NPSR1: variants seen among roughly 807,000 people sequenced by gnomAD.
The protein encoded by NPSR1 is neuropeptide S receptor.
A neutral mutation model predicts 46.9 loss-of-function variants in NPSR1; 48 were observed. The observed-to-expected ratio is 1.02, with a 90% confidence interval of 0.81 to 1.30. NPSR1 has a LOEUF of 1.30. Among genes scored for constraint, NPSR1 ranks in the 50% most tolerant of loss-of-function variants. NPSR1 has a pLI of 0.00. For synonymous variants in NPSR1, 176 were observed against 168.1 expected, an observed-to-expected ratio of 1.05 and a Z score of -0.36; for missense variants, 450 against 449.5, an observed-to-expected ratio of 1.00 and a Z score of -0.01.
At chr7:34,804,228 T>C (rs564276337) in intron 3 of NPSR1, among the ~76,000 whole-genome samples, 1 of 152,194 alleles carries the variant, frequency 6.6e-6, no homozygotes, top group African/African-American at 2.4e-5. Context: ...TACAGAACAA[T>C]ATCCCTCATG....
chr7:34,691,090 C>T (rs1562654725), intron 2 of NPSR1, among the ~76,000 whole-genome samples: 1 of 152,124 alleles, frequency 6.6e-6, no homozygotes, highest in African/African-American at 2.4e-5. Context: ...CCTTAAAGAA[C>T]AAATGTGCCA....
At chr7:34,724,496 G>A (rs1195774655) in intron 2 of NPSR1, among the ~76,000 whole-genome samples, 2 of 152,196 alleles carry the variant, frequency 1.3e-5, no homozygotes, top group South Asian at 2.1e-4. Context: ...AGAGAAAGAC[G>A]ACAGCCTGAT....
At chr7:34,678,603 G>T (rs1056889668) in intron 1 of NPSR1, among the ~76,000 whole-genome samples, 4 of 152,052 alleles carry the variant, frequency 2.6e-5, no homozygotes, top group African/African-American at 9.7e-5. Context: ...CAGGAGGGTG[G>T]ATCATGAGGT....
chr7:34,863,438 C>G (rs1369007655), intron 8 of NPSR1, among the ~76,000 whole-genome samples: 1 of 151,738 alleles, frequency 6.6e-6, no homozygotes, highest in African/African-American at 2.4e-5. Flanking sequence ...TCAGAGTGAA[C>G]AGGCAACCTA....
chr7:34,843,325 C>T (rs945032360), intron 6 of NPSR1, among the ~76,000 whole-genome samples: 8 of 152,292 alleles, frequency 5.3e-5, no homozygotes, highest in African/African-American at 1.7e-4. Flanking sequence ...AGGGCGAAAG[C>T]GAGCACACAA....
At chr7:34,662,123 A>T (rs1791482755) in intron 1 of NPSR1, among the ~76,000 whole-genome samples, 1 of 152,192 alleles carries the variant, frequency 6.6e-6, no homozygotes, top group Admixed American at 6.5e-5. Flanking sequence ...TGTAAATGAA[A>T]CTTAGTTTTA....
At chr7:34,668,884 G>A (rs986644649) in intron 1 of NPSR1, among the ~76,000 whole-genome samples, 33 of 152,188 alleles carry the variant, frequency 2.2e-4, no homozygotes, top group African/African-American at 8.0e-4. Context: ...TATCAGTGGA[G>A]CAGAGAAATG....
chr7:34,764,715 C>T (rs1786349883), intron 2 of NPSR1, among the ~76,000 whole-genome samples: 1 of 152,124 alleles, frequency 6.6e-6, no homozygotes, highest in Non-Finnish European at 1.5e-5. Flanking sequence ...GGGACGGAGG[C>T]CAGAAATGGC....
At chr7:34,710,114 C>T (rs774507108) in intron 2 of NPSR1, among the ~76,000 whole-genome samples, 1 of 152,210 alleles carries the variant, frequency 6.6e-6, no homozygotes, top group African/African-American at 2.4e-5. Flanking sequence ...GAACTCAAGC[C>T]ATAGCTTCCA....
intron 1 of NPSR1, among the ~76,000 whole-genome samples, chr7:34,682,822 G>C (rs1792713988): frequency 6.6e-6 from 1 of 152,218 alleles, no homozygotes; most frequent in Non-Finnish European, 1.5e-5. Flanking sequence ...GAGTTATGCA[G>C]GATATGACCC....
intron 2 of NPSR1, among the ~76,000 whole-genome samples, chr7:34,726,819 TAAAA>T (rs35968998): frequency 1.4e-4 from 17 of 124,006 alleles, no homozygotes; most frequent in Non-Finnish European, 3.5e-5. Flanking sequence ...ATGAAGACAG[TAAAA>T]AAAAAAAAAA....
chr7:34,723,009 G>A (rs1783941289), intron 2 of NPSR1, among the ~76,000 whole-genome samples: 1 of 152,134 alleles, frequency 6.6e-6, no homozygotes, highest in Admixed American at 6.6e-5. Context: ...ATTGCAAACA[G>A]AGTCACCAAA....
At chr7:34,723,821 G>A (rs982540598) in intron 2 of NPSR1, among the ~76,000 whole-genome samples, 9 of 152,004 alleles carry the variant, frequency 5.9e-5, no homozygotes, top group Non-Finnish European at 1.3e-4. Context: ...CTTTTTATCA[G>A]CTATAATTTA....
chr7:34,735,202 C>G (rs1784613117), intron 2 of NPSR1, among the ~76,000 whole-genome samples: 1 of 152,152 alleles, frequency 6.6e-6, no homozygotes, highest in Non-Finnish European at 1.5e-5. Flanking sequence ...ATGACTAAAA[C>G]CTCAAGAGAG....
intron 2 of NPSR1, among the ~76,000 whole-genome samples, chr7:34,691,839 G>A (rs1292714070): frequency 6.6e-6 from 1 of 152,074 alleles, no homozygotes; most frequent in Non-Finnish European, 1.5e-5. Context: ...ACTTATTCTG[G>A]GTACAGTAAC....
chr7:34,668,933 C>T (rs2021483), intron 1 of NPSR1, among the ~76,000 whole-genome samples: 17,809 of 152,022 alleles, frequency 0.12, 1,186 homozygotes, highest in African/African-American at 0.18. Flanking sequence ...TCTTGGTGCT[C>T]GGTAATGTCT....
At chr7:34,809,155 CCT>C (rs1379575575) in intron 3 of NPSR1, among the ~76,000 whole-genome samples, 2 of 152,126 alleles carry the variant, frequency 1.3e-5, no homozygotes, top group East Asian at 1.9e-4. Context: ...GCCACCTCCT[CCT>C]CTGTTTGTTG....
At chr7:34,868,854 A>G (rs1180157022) in intron 8 of NPSR1, among the ~76,000 whole-genome samples, 3 of 151,574 alleles carry the variant, frequency 2.0e-5, no homozygotes, top group African/African-American at 7.3e-5. Flanking sequence ...AGATGGAGAA[A>G]GAGGTGCGGC....
chr7:34,742,621 A>G (rs1255763912), intron 2 of NPSR1, among the ~76,000 whole-genome samples: 1 of 152,192 alleles, frequency 6.6e-6, no homozygotes, highest in Non-Finnish European at 1.5e-5. Context: ...TAGTACTGCA[A>G]TGAACATTTG....
Sources: allele counts gnomAD v4.1 joint callset (sites outside exome capture counted in the v4.1 genomes callset), GRCh38; gene constraint gnomAD v4.1.1; transcripts MANE v1.5; gene names NCBI Gene and HGNC (gene_info 2026-07-23, HGNC 2026-07-21).